The following PCDHGB1 variants were observed in gnomAD, a reference collection of about 807,000 sequenced individuals.
The protein encoded by PCDHGB1 is protocadherin gamma subfamily B, 1.
A neutral mutation model predicts 56.6 loss-of-function variants in PCDHGB1; 34 were observed. That is an observed-to-expected ratio of 0.60 (90% CI 0.46 to 0.80). The LOEUF is 0.80. Ranked by LOEUF, PCDHGB1 falls within the 30% of genes least tolerant of loss-of-function variation. PCDHGB1 has a pLI of 0.00. For synonymous variants in PCDHGB1, 561 were observed against 505.9 expected (o/e 1.11, Z -1.46); for missense variants, 1,278 against 1,204.6 (o/e 1.06, Z -0.90).
intron 1 of PCDHGB1, among the ~76,000 whole-genome samples, chr5:141,437,614 A>G (rs113599071): frequency 3.1e-4 from 47 of 152,242 alleles, no homozygotes; most frequent in Non-Finnish European, 5.1e-4. Flanking sequence ...AATCTGCTTT[A>G]TCCCCATATA....
At chr5:141,492,070 G>T (rs1408035481) in intron 1 of PCDHGB1, 1 of 477,946 alleles carries the variant, frequency 2.1e-6, no homozygotes. Context: ...CCTCCTAGGC[G>T]CCGGCTCCGG....
At chr5:141,478,279 G>A (rs2099443292) in intron 1 of PCDHGB1, 1 of 1,614,202 alleles carries the variant, frequency 6.2e-7, no homozygotes, top group Middle Eastern at 1.6e-4. Context: ...ACAAGTGGAA[G>A]CAGTCTAGAG....
chr5:141,393,086 T>C (rs533530561), intron 1 of PCDHGB1: 1 of 1,613,614 alleles, frequency 6.2e-7, no homozygotes, highest in Non-Finnish European at 8.5e-7. Flanking sequence ...GCAGGATAGA[T>C]CGGGAGGAGC....
Position 141,491,726 on chromosome 5 carries a change from C to A in PCDHGB1, c.2410-3081C>A, listed in dbSNP as rs1018940432. ...GTGAGGGGCTCGGCGCCGCCCCGGG[C>A]GACCCCTGGGGGCGGCACTGGAGAA... On this transcript the variant is annotated intron_variant, in intron 1 of 3. Coordinates refer to ENST00000523390, the MANE Select transcript of PCDHGB1 (RefSeq NM_018922.3). This position sits in a 1 kb window ranked among gnomAD's most constrained non-coding sequence, Gnocchi z 6.9. 2.2e-5 allele frequency: 36 copies of A among 1,605,766 alleles called. No individual in the cohort carries two copies. Among genetic ancestry groups the A allele is most frequent in the African/African-American group, 4.0e-5 (3 of 74,588 alleles).
chr5:141,428,618 T>G (rs554092834), intron 1 of PCDHGB1: 12 of 206,130 alleles, frequency 5.8e-5, no homozygotes, highest in Admixed American at 2.6e-4. Context: ...AATAACAAGA[T>G]AAGCTCTAAC....
At chr5:141,417,954 C>A (rs2096198021) in intron 1 of PCDHGB1, 3 of 1,613,600 alleles carry the variant, frequency 1.9e-6, no homozygotes, top group South Asian at 1.1e-5. Flanking sequence ...CTGTGTGAGC[C>A]GATCCGCTAC....
chr5:141,420,968 T>A (rs1031890748), intron 1 of PCDHGB1: 1 of 441,548 alleles, frequency 2.3e-6, no homozygotes, highest in Non-Finnish European at 4.0e-6. Context: ...GTTGCAATAA[T>A]AAGAATGGGC....
chr5:141,477,427 C>T lies in PCDHGB1; in HGVS notation c.2410-17380C>T. On this transcript the variant is annotated intron_variant, in intron 1 of 3. Coordinates refer to ENST00000523390, the MANE Select transcript of PCDHGB1 (RefSeq NM_018922.3). The surrounding 1 kb of genome is among the most constrained non-coding windows in gnomAD (Gnocchi z 4.9). ...CCCGAGACGCCGGAACCCCTTCCCT[C>T]TCAGCCCTTACAATAGTGCGTGTTC... The T allele has an allele frequency of 6.2e-7, 1 of 1,614,220 alleles. No homozygotes were observed. The highest frequency in any genetic ancestry group is 8.5e-7 in the Non-Finnish European group (1 of 1,180,046).
chr5:141,394,136 C>A, intron 1 of PCDHGB1: 3 of 1,613,956 alleles, frequency 1.9e-6, no homozygotes, highest in Non-Finnish European at 2.5e-6. Flanking sequence ...TCGCTCTGCA[C>A]GTGGCAGACA....
intron 1 of PCDHGB1, chr5:141,384,840 G>C: frequency 6.2e-7 from 1 of 1,613,610 alleles, no homozygotes; most frequent in African/African-American, 1.3e-5. Flanking sequence ...TGGCCGTCCA[G>C]GACCACGGTC....
In PCDHGB1 at chr5:141,398,901, C is replaced by CACCA. The variant is rs763382637; in HGVS notation, c.2409+46233_2409+46236dup. ...GCCTTCGGGAAAACGTGCCACCAGG[C>CACCA]ACCACTGTGTTGCAAGTGTCAGCCA... On this transcript the variant is annotated intron_variant, in intron 1 of 3. Coordinates refer to ENST00000523390, the MANE Select transcript of PCDHGB1 (RefSeq NM_018922.3). 3.7e-6 allele frequency: 6 copies of CACCA among 1,613,954 alleles called. No homozygotes were observed. The South Asian group carries it at 6.6e-5, about 18-fold the overall frequency.
intron 1 of PCDHGB1, chr5:141,433,110 G>T (rs1031253372): frequency 1.2e-6 from 2 of 1,614,098 alleles, no homozygotes; most frequent in East Asian, 4.5e-5. Context: ...AGCCAGGAGA[G>T]CTTTGAAAAA....
At chr5:141,421,662 G>A (rs2096591243) in intron 1 of PCDHGB1, 3 of 1,613,844 alleles carry the variant, frequency 1.9e-6, no homozygotes, top group South Asian at 1.1e-5. Context: ...AAGTCAGTGA[G>A]CACGCAATTC....
Position 141,432,691 on chromosome 5 carries a change from G to A in PCDHGB1, c.2410-62116G>A, listed in dbSNP as rs1308174141. Reference sequence around the variant, plus strand: ...ACGCGCTCAAGCAGAGCCTCGTAGTGGCCGTCCAGGACCACGGCCAGCCCC... The same window carrying A: ...ACGCGCTCAAGCAGAGCCTCGTAGTAGCCGTCCAGGACCACGGCCAGCCCC... On this transcript the variant is annotated intron_variant, in intron 1 of 3. Transcript: ENST00000523390. The surrounding 1 kb of genome is among the most constrained non-coding windows in gnomAD (Gnocchi z 6.0). 1 of 1,613,942 alleles carries A rather than the reference G, an allele frequency of 6.2e-7. No individual in the cohort carries two copies. Among genetic ancestry groups the A allele is most frequent in the South Asian group, 1.1e-5 (1 of 91,068 alleles).
At position 141,351,933 on chromosome 5, in the gene PCDHGB1, T is replaced by C; in HGVS notation, c.1673T>C (p.Val558Ala). 1 of 1,613,206 alleles carries C rather than the reference T, an allele frequency of 6.2e-7. No homozygotes were observed. The highest frequency in any genetic ancestry group is 1.1e-5 in the South Asian group (1 of 91,072). ...GACCTCAATGACAATGCGCCACGGG[T>C]GCTGTACCCCGCGCTGGGGCCTGAT... is the stretch of plus-strand genomic sequence containing the variant. ...VGDLNDNAPR[V>A]LYPALGPDGS... The change falls in exon 1 of 4, where the codon GTG becomes GCG. Residue 558 changes from valine to alanine, a missense_variant. Transcript: ENST00000523390.
intron 1 of PCDHGB1, chr5:141,398,830 G>A: frequency 6.2e-7 from 1 of 1,613,946 alleles, no homozygotes; most frequent in Non-Finnish European, 8.5e-7. Flanking sequence ...GGTAACCGAC[G>A]CCAATGATAA....
At chr5:141,365,046 C>T (rs753242901) in intron 1 of PCDHGB1, 1 of 1,613,884 alleles carries the variant, frequency 6.2e-7, no homozygotes, top group South Asian at 1.1e-5. Context: ...AACGACAATG[C>T]GCCCCTGTTC....
rs370251444 is a variant in PCDHGB1, at chr5:141,352,461, G to C, written c.2201G>C (p.Gly734Ala). Residue 734 changes from glycine to alanine, a missense_variant, in exon 1 of 4, where the codon GGG (glycine) becomes GCG (alanine). Transcript: ENST00000523390. ...QTGLCSKSGP[G>A]VPPNHSEGTL... ...GGTCTCTGCTCCAAGTCTGGGCCCG[G>C]GGTTCCTCCCAACCACAGCGAGGGG... is the stretch of plus-strand genomic sequence containing the variant. 3 of 1,613,888 alleles carry C rather than the reference G, an allele frequency of 1.9e-6. No homozygotes were observed. The highest frequency in any genetic ancestry group is 2.2e-5 in the East Asian group (1 of 44,892).
intron 1 of PCDHGB1, chr5:141,398,690 G>A (rs1258068362): frequency 1.9e-6 from 3 of 1,613,914 alleles, no homozygotes; most frequent in African/African-American, 1.3e-5. Flanking sequence ...AAACAGGATG[G>A]TAGTAAATAC....
Sources: allele counts gnomAD v4.1 joint callset (sites outside exome capture counted in the v4.1 genomes callset), GRCh38; gene constraint gnomAD v4.1.1; non-coding constraint Gnocchi (gnomAD v3.1); transcripts MANE v1.5; gene names NCBI Gene and HGNC (gene_info 2026-07-23, HGNC 2026-07-21).